RAB40B: variants seen among roughly 807,000 people sequenced by gnomAD.
The protein encoded by RAB40B is ras-related protein Rab-40B.
Under a neutral mutation model 24.0 loss-of-function variants are expected in RAB40B, and 21 were observed. That is an observed-to-expected ratio of 0.88 (90% CI 0.62 to 1.26). RAB40B has a LOEUF of 1.26. Among genes scored for constraint, RAB40B ranks in the 50% most tolerant of loss-of-function variants. RAB40B has a pLI of 0.00. For missense variants in RAB40B, 348 were observed against 390.5 expected (o/e 0.89, Z 0.92); for synonymous variants, 167 against 169.8 (o/e 0.98, Z 0.13).
chr17:82,681,047 A>G (rs12949107), intron 1 of RAB40B, among the ~76,000 whole-genome samples: 36,315 of 144,416 alleles, frequency 0.25, 5,036 homozygotes, highest in South Asian at 0.34. Context: ...AAAAAAAAAA[A>G]AAAGAAAGAG....
intron 1 of RAB40B, among the ~76,000 whole-genome samples, chr17:82,674,557 T>C (rs547782775): frequency 0.011 from 1,549 of 145,936 alleles, 16 homozygotes; most frequent in Middle Eastern, 0.018. Context: ...GAGAATGGCG[T>C]GAACCCAGGA....
chr17:82,680,538 G>A (rs1298557469), intron 1 of RAB40B, among the ~76,000 whole-genome samples: 3 of 152,114 alleles, frequency 2.0e-5, no homozygotes, highest in African/African-American at 7.2e-5. Flanking sequence ...TTAAAATCAA[G>A]TCATTCATGC....
At chr17:82,690,572 G>A (rs1227739385) in intron 1 of RAB40B, among the ~76,000 whole-genome samples, 4 of 129,782 alleles carry the variant, frequency 3.1e-5, no homozygotes, top group East Asian at 5.0e-4. Context: ...GTGTGTTGCC[G>A]GGGAGCAGAG....
At chr17:82,673,711 C>T (rs1278522984) in intron 1 of RAB40B, among the ~76,000 whole-genome samples, 4 of 152,182 alleles carry the variant, frequency 2.6e-5, no homozygotes, top group South Asian at 2.1e-4. Flanking sequence ...GGCATGGAGG[C>T]GCTTCTCTGA....
chr17:82,685,570 C>G (rs929768090), intron 1 of RAB40B, among the ~76,000 whole-genome samples: 17 of 152,108 alleles, frequency 1.1e-4, no homozygotes, highest in Non-Finnish European at 8.8e-5. Context: ...TCCTAGGGGC[C>G]CCTCCAGGGC....
chr17:82,677,206 CA>C (rs1036669929), intron 1 of RAB40B, among the ~76,000 whole-genome samples: 3 of 152,252 alleles, frequency 2.0e-5, no homozygotes, highest in African/African-American at 7.2e-5. Flanking sequence ...CTCGGCCTCC[CA>C]AAGTGCTAGG....
intron 4 of RAB40B, chr17:82,659,152 G>C: frequency 4.1e-6 from 1 of 243,158 alleles, no homozygotes; most frequent in South Asian, 6.8e-5. Flanking sequence ...CCAGGTTGTG[G>C]TCGTCGGTTC....
rs1369515881 is a variant in RAB40B, at chr17:82,695,560, C to A, written c.142+2895G>T. Among the ~76,000 whole-genome samples the A allele has an allele frequency of 9.6e-4, 136 of 141,976 alleles. 2 individuals carry two copies. The East Asian group carries it at 0.027, about 28-fold the overall frequency. The allele number at this position is 141,976 out of a possible 152,430, so 93.1% of individuals were successfully genotyped here. A position where few individuals can be genotyped will look rare whatever the true frequency, so the allele number is the denominator to read the frequency against. On this transcript the variant is annotated intron_variant, in intron 1 of 5. Coordinates refer to ENST00000571995, the MANE Select transcript of RAB40B (RefSeq NM_006822.3). The stretch of plus-strand genomic sequence containing the variant: ...ACATGTCATTAAAAAAAAAAAAAAA[C>A]ATGGCCAGGTGCTGTGGCTCAGGCC...
In RAB40B at chr17:82,692,959, A is replaced by G. The variant is rs1344045703; in HGVS notation, c.142+5496T>C. Reference sequence around the variant, plus strand: ...TGAAAGAAATTCAACCTAAATGAAAAAACAGACATAAGACTTGGGCATTTT... The same window carrying G: ...TGAAAGAAATTCAACCTAAATGAAAGAACAGACATAAGACTTGGGCATTTT... On this transcript the variant is annotated intron_variant, in intron 1 of 5. Transcript: ENST00000571995. The surrounding 1 kb of genome is among the most constrained non-coding windows in gnomAD (Gnocchi z 4.0). 6.6e-6 allele frequency among the ~76,000 whole-genome samples: 1 copy of G among 152,160 alleles called. No individual in the cohort carries two copies. The highest frequency in any genetic ancestry group is 1.5e-5 in the Non-Finnish European group (1 of 68,034).
intron 1 of RAB40B, among the ~76,000 whole-genome samples, chr17:82,677,828 C>T (rs994189422): frequency 7.2e-5 from 11 of 152,208 alleles, no homozygotes; most frequent in Non-Finnish European, 1.5e-5. Flanking sequence ...TGCACCTGCC[C>T]GACCCCTGCA....
chr17:82,666,653 C>T (rs958705428), intron 1 of RAB40B, among the ~76,000 whole-genome samples: 1 of 151,994 alleles, frequency 6.6e-6, no homozygotes, highest in African/African-American at 2.4e-5. Flanking sequence ...CTAGCGCTTC[C>T]GGATGAGCAC....
rs568229499 is a variant in RAB40B, at chr17:82,676,696, C to T, written c.143-12140G>A. On this transcript the variant is annotated intron_variant, in intron 1 of 5. Coordinates refer to ENST00000571995, the MANE Select transcript of RAB40B (RefSeq NM_006822.3). ...AGGCTGGAATGCAATGGCGTGATCT[C>T]AACTCACTGCAACCTCCGCCTCCTG... 2.4e-4 allele frequency among the ~76,000 whole-genome samples: 36 copies of T among 152,240 alleles called. 1 individual carries two copies. The South Asian group carries it at 7.5e-3, about 32-fold the overall frequency.
chr17:82,666,049 TGCCAC>T (rs2046252435), intron 1 of RAB40B, among the ~76,000 whole-genome samples: 1 of 150,544 alleles, frequency 6.6e-6, no homozygotes, highest in Admixed American at 6.6e-5. Context: ...CCACCACACC[TGCCAC>T]CGCACCTGCC....
At chr17:82,678,558 C>T (rs1481028128) in intron 1 of RAB40B, among the ~76,000 whole-genome samples, 5 of 152,164 alleles carry the variant, frequency 3.3e-5, no homozygotes, top group African/African-American at 7.2e-5. Flanking sequence ...GTGGCATAAC[C>T]GCCTTCACAA....
intron 1 of RAB40B, chr17:82,664,800 G>T: frequency 2.1e-6 from 1 of 467,538 alleles, no homozygotes; most frequent in Non-Finnish European, 3.9e-6. Context: ...GCATCACCCT[G>T]GCCCAGGGGG....
At position 82,657,700 on chromosome 17, in the gene RAB40B, A is replaced by C; in HGVS notation, c.*163T>G. 2 of 891,020 alleles carry C rather than the reference A, an allele frequency of 2.2e-6. No individual in the cohort carries two copies. The highest frequency in any genetic ancestry group is 2.6e-5 in the South Asian group (2 of 75,520). The allele number at this position is 891,020 out of a possible 1,614,324, so 55.2% of individuals were successfully genotyped here. ...CATGCACATCCACGTAGAAATTCGA[A>C]GTCCGACGGGGTAGTGTGTTTCCAT... On this transcript the variant is annotated 3_prime_UTR_variant, in exon 6 of 6. Transcript: ENST00000571995.
In RAB40B at chr17:82,657,016, AAAATAAAT is replaced by A. The variant is rs965626899; in HGVS notation, c.*839_*846del. On this transcript the variant is annotated 3_prime_UTR_variant, in exon 6 of 6. Coordinates refer to ENST00000571995, the MANE Select transcript of RAB40B (RefSeq NM_006822.3). ...GCAACAAGAGCGAAACTCTGTCTCA[AAAATAAAT>A]AAATAAATAAATACAAAATTCGAAA... 1.3e-5 allele frequency: 2 copies of A among 152,346 alleles called. No individual in the cohort carries two copies. The highest frequency in any genetic ancestry group is 6.6e-5 in the Admixed American group (1 of 15,264). 9.4% of individuals were successfully genotyped at this position (152,346 alleles called of 1,614,324 possible).
intron 1 of RAB40B, among the ~76,000 whole-genome samples, chr17:82,693,053 T>A (rs1235144012): frequency 2.0e-5 from 3 of 151,942 alleles, no homozygotes; most frequent in Admixed American, 2.0e-4. Flanking sequence ...CCCAGGCTGG[T>A]GTGCAGTGGT....
intron 1 of RAB40B, among the ~76,000 whole-genome samples, chr17:82,682,139 AG>A (rs1257054859): frequency 1.9e-3 from 261 of 139,284 alleles, no homozygotes; most frequent in African/African-American, 6.6e-3. Context: ...ACACACACAC[AG>A]GCACGCATGC....
Sources: gnomAD v4.1 joint callset for allele counts (sites outside exome capture counted in the v4.1 genomes callset) on GRCh38, gnomAD v4.1.1 for gene constraint, Gnocchi (gnomAD v3.1) non-coding constraint, MANE v1.5 for transcripts, NCBI Gene and HGNC (gene_info 2026-07-23, HGNC 2026-07-21) for gene names.